MYO3B: variants seen among roughly 807,000 people sequenced by gnomAD.
MYO3B encodes the protein myosin IIIB.
MYO3B carries 156 observed loss-of-function variants against 174.6 expected under a neutral mutation model. That is an observed-to-expected ratio of 0.89 (90% CI 0.78 to 1.02). The LOEUF (loss-of-function observed/expected upper bound fraction) is 1.02. Among genes scored for constraint, MYO3B ranks in the 50% least tolerant of loss-of-function variants. The pLI is 0.00. For synonymous variants in MYO3B, 563 were observed against 569.1 expected (o/e 0.99, Z 0.15); for missense variants, 1,632 against 1,639.4 (o/e 1.00, Z 0.08).
chr2:170,260,220 G>A (rs1231618926), intron 7 of MYO3B, among the ~76,000 whole-genome samples: 1 of 152,156 alleles, frequency 6.6e-6, no homozygotes, highest in African/African-American at 2.4e-5. Context: ...CTGGGTATAT[G>A]CCCAAAGGAA....
intron 8 of MYO3B, among the ~76,000 whole-genome samples, chr2:170,360,286 G>A (rs2094151265): frequency 6.6e-6 from 1 of 152,070 alleles, no homozygotes; most frequent in African/African-American, 2.4e-5. Context: ...GTGTCCCTGG[G>A]CATTTAAGCC....
In MYO3B at chr2:170,568,784, A is replaced by G. The variant is rs550505416; in HGVS notation, c.3733+24796A>G. ...GAACTGTGGGTTTAGATGTTTAGAT[A>G]TTTAGATTCCAGAGTGCAGTGACTG... On this transcript the variant is annotated intron_variant, in intron 32 of 34. Coordinates refer to ENST00000408978, the MANE Select transcript of MYO3B (RefSeq NM_138995.5). Among the ~76,000 whole-genome samples, 6 of 152,362 alleles carry G rather than the reference A, an allele frequency of 3.9e-5. No homozygotes were observed. In the South Asian group the frequency reaches 1.0e-3, roughly 26 times the overall value.
At chr2:170,567,783 T>C (rs1013318386) in intron 32 of MYO3B, among the ~76,000 whole-genome samples, 2 of 152,202 alleles carry the variant, frequency 1.3e-5, no homozygotes. Flanking sequence ...GCATCTTAAG[T>C]AGTCTTGACA....
chr2:170,278,600 A>T (rs115512202), intron 7 of MYO3B, among the ~76,000 whole-genome samples: 1,918 of 152,214 alleles, frequency 0.013, 39 homozygotes, highest in African/African-American at 0.043. Context: ...TTATAATTTT[A>T]TGTGTTGAGA....
At chr2:170,277,395 G>A (rs116659753) in intron 7 of MYO3B, among the ~76,000 whole-genome samples, 111 of 152,214 alleles carry the variant, frequency 7.3e-4, no homozygotes, top group African/African-American at 2.1e-3. Flanking sequence ...TATGGCTGGC[G>A]CAATAAGTCA....
chr2:170,490,117 C>A (rs1210116229), intron 25 of MYO3B, among the ~76,000 whole-genome samples: 1 of 151,558 alleles, frequency 6.6e-6, no homozygotes, highest in Non-Finnish European at 1.5e-5. Flanking sequence ...CAACCTCCGC[C>A]TCCCGGGTTC....
At chr2:170,444,091 C>T in intron 23 of MYO3B, 45 bp downstream of exon 23, 3 of 1,529,632 alleles carry the variant, frequency 2.0e-6, no homozygotes, top group Non-Finnish European at 2.7e-6. Context: ...CTGGCAGGTA[C>T]TCTTGACCCA....
Position 170,469,785 on chromosome 2 carries a change from G to A in MYO3B, c.3014+3074G>A, listed in dbSNP as rs561301930. On this transcript the variant is annotated intron_variant, in intron 25 of 34. Coordinates refer to ENST00000408978, the MANE Select transcript of MYO3B (RefSeq NM_138995.5). ...ACAGCTCAATTTAGATATAATTCAC[G>A]TATGATAAAAGTCATCTTTTGAAAG... 4.2e-4 allele frequency among the ~76,000 whole-genome samples: 64 copies of A among 152,184 alleles called. 1 individual carries two copies. In the Middle Eastern group the frequency reaches 0.01, roughly 24 times the overall value.
chr2:170,430,639 G>T (rs2094701558), intron 22 of MYO3B, among the ~76,000 whole-genome samples: 1 of 151,962 alleles, frequency 6.6e-6, no homozygotes, highest in African/African-American at 2.4e-5. Flanking sequence ...CAAAGTGCTG[G>T]GATTACAAGC....
At chr2:170,594,991 C>G (rs1694054716) in intron 32 of MYO3B, among the ~76,000 whole-genome samples, 1 of 152,086 alleles carries the variant, frequency 6.6e-6, no homozygotes, top group South Asian at 2.1e-4. Flanking sequence ...AGGACAGTGT[C>G]GTGCCCCAGG....
At chr2:170,395,455 GAGAA>G (rs2094437707) in intron 16 of MYO3B, among the ~76,000 whole-genome samples, 1 of 152,180 alleles carries the variant, frequency 6.6e-6, no homozygotes, top group Non-Finnish European at 1.5e-5. Context: ...AGAGGTTAGG[GAGAA>G]GCCTTTGAGA....
In MYO3B at chr2:170,398,228, GAAA is replaced by G. The variant is rs34432719; in HGVS notation, c.1792-1939_1792-1937del. Among the ~76,000 whole-genome samples, 577 of 87,940 alleles carry G rather than the reference GAAA, an allele frequency of 6.6e-3. 1 individual carries two copies. Among genetic ancestry groups the G allele is most frequent in the African/African-American group, 0.016 (361 of 22,286 alleles). The allele number at this position is 87,940 out of a possible 152,430, so 57.7% of individuals were successfully genotyped here. ...ACAAGAGCAAAACTCTGTCTCAAAA[GAAA>G]AAAAAAAAAAAAAAAAAAAAGGATA... On this transcript the variant is annotated intron_variant, in intron 16 of 34. Coordinates refer to ENST00000408978, the MANE Select transcript of MYO3B (RefSeq NM_138995.5).
chr2:170,306,932 A>G (rs2093704538), intron 7 of MYO3B, among the ~76,000 whole-genome samples: 2 of 152,180 alleles, frequency 1.3e-5, no homozygotes, highest in East Asian at 1.9e-4. Flanking sequence ...GTAGCTTTGT[A>G]TGTTCTCAGG....
intron 32 of MYO3B, among the ~76,000 whole-genome samples, chr2:170,578,238 T>C (rs1441400491): frequency 2.0e-5 from 3 of 152,226 alleles, no homozygotes; most frequent in African/African-American, 4.8e-5. Flanking sequence ...AGCCTGCGGC[T>C]CTTGGGGTCG....
intron 22 of MYO3B, among the ~76,000 whole-genome samples, chr2:170,431,990 G>C (rs2094713072): frequency 1.3e-5 from 2 of 152,200 alleles, no homozygotes; most frequent in Non-Finnish European, 2.9e-5. Context: ...TGGTGATGCT[G>C]ATATAATAAG....
intron 32 of MYO3B, among the ~76,000 whole-genome samples, chr2:170,569,467 C>T (rs1692286354): frequency 6.6e-6 from 1 of 151,054 alleles, no homozygotes; most frequent in Admixed American, 6.6e-5. Flanking sequence ...GAGCCATTTC[C>T]TTCCTGGAAT....
At position 170,372,966 on chromosome 2, in the gene MYO3B, G is replaced by C. The variant is rs984215309; in HGVS notation, c.971+3589G>C. On this transcript the variant is annotated intron_variant, in intron 9 of 34. Transcript: ENST00000408978. ...TGGCATGGGGTAGGTGGGAGGGAGA[G>C]ACAAGGTAGACAGGAGCCACGTCAC... is the stretch of plus-strand genomic sequence containing the variant. 5.3e-5 allele frequency among the ~76,000 whole-genome samples: 8 copies of C among 152,126 alleles called. No homozygotes were observed. In the East Asian group the frequency reaches 1.4e-3, roughly 26 times the overall value.
chr2:170,300,988 C>T (rs2093661808), intron 7 of MYO3B, among the ~76,000 whole-genome samples: 1 of 152,166 alleles, frequency 6.6e-6, no homozygotes. Flanking sequence ...ATGGTGGGTG[C>T]CAGCATGTAG....
At chr2:170,445,373 C>T (rs1034097905) in intron 23 of MYO3B, among the ~76,000 whole-genome samples, 27 of 151,986 alleles carry the variant, frequency 1.8e-4, no homozygotes, top group Non-Finnish European at 2.4e-4. Flanking sequence ...CAGAGTTTCA[C>T]TCTTGTTGCC....
Sources: gnomAD v4.1 joint callset for allele counts (sites outside exome capture counted in the v4.1 genomes callset) on GRCh38, gnomAD v4.1.1 for gene constraint, MANE v1.5 for transcripts, NCBI Gene and HGNC (gene_info 2026-07-23, HGNC 2026-07-21) for gene names.